The following WRN variants were observed in gnomAD, a reference collection of about 807,000 sequenced individuals.
WRN encodes bifunctional 3'-5' exonuclease/ATP-dependent helicase WRN.
Under a neutral mutation model 180.7 loss-of-function variants are expected in WRN, and 149 were observed. That is an observed-to-expected ratio of 0.82 (90% CI 0.72 to 0.94). WRN has a LOEUF of 0.94. Ranked by LOEUF, WRN falls within the 40% of genes least tolerant of loss-of-function variation. WRN has a pLI of 0.00. For synonymous variants in WRN, 548 were observed against 568.9 expected, an observed-to-expected ratio of 0.96 and a Z score of 0.52; for missense variants, 1,661 against 1,700.1, an observed-to-expected ratio of 0.98 and a Z score of 0.40.
chr8:31,127,454 G>A (rs961359552), intron 23 of WRN, among the ~76,000 whole-genome samples: 3 of 152,030 alleles, frequency 2.0e-5, no homozygotes, highest in African/African-American at 7.2e-5. Flanking sequence ...TTACCTGGTG[G>A]GTTAGCTACG....
intron 23 of WRN, among the ~76,000 whole-genome samples, chr8:31,130,064 C>G (rs917782430): frequency 6.7e-6 from 1 of 149,872 alleles, no homozygotes; most frequent in African/African-American, 2.5e-5. Context: ...TGGCTCACAC[C>G]TGTCATTCTA....
chr8:31,113,158 A>G (rs943863240), intron 19 of WRN, among the ~76,000 whole-genome samples: 1 of 150,790 alleles, frequency 6.6e-6, no homozygotes, highest in African/African-American at 2.4e-5. Flanking sequence ...GTGAGCTGAG[A>G]TCACACCACT....
intron 1 of WRN, among the ~76,000 whole-genome samples, chr8:31,046,219 CT>C (rs1434206662): frequency 6.6e-6 from 1 of 152,058 alleles, no homozygotes; most frequent in Non-Finnish European, 1.5e-5. Context: ...TGGTACCTTA[CT>C]TGCTCCTGTT....
intron 1 of WRN, among the ~76,000 whole-genome samples, chr8:31,045,831 A>G (rs996204093): frequency 1.3e-5 from 2 of 152,196 alleles, no homozygotes; most frequent in African/African-American, 4.8e-5. Flanking sequence ...ACTTTAATGT[A>G]AACTCACGTG....
intron 29 of WRN, 82 bp from the exon 30 acceptor site, chr8:31,147,282 G>T: frequency 6.8e-7 from 1 of 1,469,230 alleles, no homozygotes; most frequent in Non-Finnish European, 9.5e-7. Flanking sequence ...AAGGAAAAAT[G>T]TGGTATCTGA....
At chr8:31,148,723 T>C (rs999366835) in intron 30 of WRN, among the ~76,000 whole-genome samples, 1 of 152,252 alleles carries the variant, frequency 6.6e-6, no homozygotes, top group Non-Finnish European at 1.5e-5. Context: ...CTTGAATTCA[T>C]AGAGGACTTT....
At chr8:31,096,901 A>ATT in intron 17 of WRN, 51 bp downstream of exon 17, 1 of 1,514,914 alleles carries the variant, frequency 6.6e-7, no homozygotes, top group Non-Finnish European at 9.2e-7. Context: ...TAATATTTAA[A>ATT]GTTAAACCTA....
At chr8:31,098,185 A>G (rs1475751348) in intron 17 of WRN, among the ~76,000 whole-genome samples, 2 of 152,128 alleles carry the variant, frequency 1.3e-5, no homozygotes, top group African/African-American at 2.4e-5. Flanking sequence ...TTTGCCTTTA[A>G]TGGACAATGA....
At chr8:31,045,067 G>A (rs1312546799) in intron 1 of WRN, among the ~76,000 whole-genome samples, 1 of 152,158 alleles carries the variant, frequency 6.6e-6, no homozygotes. Flanking sequence ...TGCTGGTAAT[G>A]ATATTTCAAA....
At chr8:31,151,196 A>T (rs1349398887) in intron 31 of WRN, among the ~76,000 whole-genome samples, 1 of 152,190 alleles carries the variant, frequency 6.6e-6, no homozygotes, top group East Asian at 1.9e-4. Context: ...TGGAAATGAC[A>T]CTTCCTCCCC....
At chr8:31,079,757 G>A (rs1164914713) in intron 8 of WRN, among the ~76,000 whole-genome samples, 1 of 152,038 alleles carries the variant, frequency 6.6e-6, no homozygotes, top group Admixed American at 6.5e-5. Context: ...TGAGATTTTT[G>A]GAGATGCAAA....
At chr8:31,152,840 A>G (rs1335052184) in intron 31 of WRN, among the ~76,000 whole-genome samples, 1 of 152,102 alleles carries the variant, frequency 6.6e-6, no homozygotes, top group African/African-American at 2.4e-5. Flanking sequence ...GGAGTTAGAA[A>G]ACAACCTGGG....
At chr8:31,115,083 A>G (rs985203048) in intron 19 of WRN, among the ~76,000 whole-genome samples, 14 of 151,996 alleles carry the variant, frequency 9.2e-5, no homozygotes, top group Non-Finnish European at 4.4e-5. Context: ...TTTAGTAGAG[A>G]CGGGGTTTCA....
chr8:31,143,060 C>T (rs111566280), intron 27 of WRN, among the ~76,000 whole-genome samples: 35 of 71,466 alleles, frequency 4.9e-4, no homozygotes, highest in Admixed American at 1.5e-3. Flanking sequence ...CACACATTCT[C>T]TCTCTCTCTC....
At chr8:31,042,953 T>C (rs1415210459) in intron 1 of WRN, among the ~76,000 whole-genome samples, 1 of 152,180 alleles carries the variant, frequency 6.6e-6, no homozygotes, top group Non-Finnish European at 1.5e-5. Context: ...CAAGAAGTGG[T>C]CTTACATTTT....
At position 31,113,205 on chromosome 8, in the gene WRN, C is replaced by CAA. The variant is rs11420804; in HGVS notation, c.2273+1420_2273+1421dup. ...TGGATGACAGAGCAAGGCCCCGTTT[C>CAA]AAAAAAAAAAAAAAAGCTTCTACCA... On this transcript the variant is annotated intron_variant, in intron 19 of 34. Transcript: ENST00000298139. 3.9e-3 allele frequency among the ~76,000 whole-genome samples: 443 copies of CAA among 112,258 alleles called. 3 individuals are homozygous for CAA. The highest frequency in any genetic ancestry group is 5.5e-3 in the Non-Finnish European group (303 of 55,356). The allele number at this position is 112,258 out of a possible 152,430, so 73.6% of individuals were successfully genotyped here.
At chr8:31,074,090 T>TA in intron 7 of WRN, among the ~76,000 whole-genome samples, 1 of 151,700 alleles carries the variant, frequency 6.6e-6, no homozygotes, top group East Asian at 1.9e-4. Flanking sequence ...CTAATTTTTT[T>TA]TTTTTTTTGT....
intron 18 of WRN, among the ~76,000 whole-genome samples, chr8:31,108,905 A>G (rs1324521600): frequency 6.6e-6 from 1 of 152,240 alleles, no homozygotes; most frequent in Non-Finnish European, 1.5e-5. Context: ...AAGCCCCAGC[A>G]TGGCACAATT....
intron 33 of WRN, among the ~76,000 whole-genome samples, chr8:31,164,936 G>A (rs1230555558): frequency 6.6e-6 from 1 of 151,994 alleles, no homozygotes; most frequent in East Asian, 1.9e-4. Flanking sequence ...ATAAAACGCA[G>A]GATGAATTTA....
Sources: gnomAD v4.1 joint callset for allele counts (sites outside exome capture counted in the v4.1 genomes callset) on GRCh38, gnomAD v4.1.1 for gene constraint, MANE v1.5 for transcripts, NCBI Gene and HGNC (gene_info 2026-07-23, HGNC 2026-07-21) for gene names.